ABLIM2: variants seen among roughly 807,000 people sequenced by gnomAD.
ABLIM2 encodes the protein actin-binding LIM protein 2.
In ABLIM2, 53 loss-of-function variants were observed where a neutral mutation model predicts 97.7. The ratio of observed to expected loss-of-function variants is 0.54; its 90% CI spans 0.44 to 0.68. ABLIM2 has a LOEUF of 0.68. Among genes scored for constraint, ABLIM2 ranks in the 30% least tolerant of loss-of-function variants. The probability of loss-of-function intolerance (pLI) is 0.00; values close to 1 mark genes in which losing one functional copy is unlikely to be tolerated. For missense variants in ABLIM2, 835 were observed against 867.2 expected, an observed-to-expected ratio of 0.96 and a Z score of 0.47; for synonymous variants, 361 against 345.8, an observed-to-expected ratio of 1.04 and a Z score of -0.49.
rs1429831028 is a variant in ABLIM2 at position 8,091,750 on chromosome 4, TTAA to T, written c.339-3469_339-3467del. ...ATATTATATTAATATGTATTATATA[TTAA>T]TATTATATATTTATTATGCATTTAT... On this transcript the variant is annotated intron_variant, in intron 3 of 20. Transcript: ENST00000447017. 8.2e-4 allele frequency among the ~76,000 whole-genome samples: 71 copies of T among 86,086 alleles called. 3 individuals are homozygous for T. The highest frequency in any genetic ancestry group is 3.3e-3 in the African/African-American group (69 of 21,078). The allele number at this position is 86,086 out of a possible 152,430, so 56.5% of individuals were successfully genotyped here. A position where few individuals can be genotyped will look rare whatever the true frequency, so the allele number is the denominator to read the frequency against.
chr4:8,109,724 G>A (rs997107705), intron 1 of ABLIM2, among the ~76,000 whole-genome samples: 1 of 152,232 alleles, frequency 6.6e-6, no homozygotes, highest in Non-Finnish European at 1.5e-5. Flanking sequence ...GGATGAGGGA[G>A]AGGGGTTGGC....
At chr4:8,134,023 C>A (rs1849821277) in intron 1 of ABLIM2, among the ~76,000 whole-genome samples, 1 of 152,210 alleles carries the variant, frequency 6.6e-6, no homozygotes, top group Admixed American at 6.5e-5. Flanking sequence ...GAGGTGAGTG[C>A]CCTCTGCAGC....
chr4:8,092,303 G>T (rs1829257173), intron 3 of ABLIM2, among the ~76,000 whole-genome samples: 1 of 151,936 alleles, frequency 6.6e-6, no homozygotes, highest in African/African-American at 2.4e-5. Context: ...TGGCCCATTT[G>T]TATATGTTCT....
At chr4:8,144,194 G>A (rs373744775) in intron 1 of ABLIM2, among the ~76,000 whole-genome samples, 34 of 152,306 alleles carry the variant, frequency 2.2e-4, no homozygotes, top group South Asian at 1.9e-3. Context: ...GAGCCTCAGC[G>A]GGGAAGCAGC....
chr4:8,041,973 A>G (rs11931521), intron 9 of ABLIM2, among the ~76,000 whole-genome samples: 95,560 of 151,646 alleles, frequency 0.63, 30,308 homozygotes, highest in Middle Eastern at 0.71. Flanking sequence ...TCCAACAACA[A>G]CAGCAGCAAC....
rs546711503 is a variant in ABLIM2, at chr4:8,119,754, C to A, written c.11-13117G>T. Among the ~76,000 whole-genome samples, 3 of 152,276 alleles carry A rather than the reference C, an allele frequency of 2.0e-5. No individual in the cohort carries two copies. In the East Asian group the frequency reaches 5.8e-4, roughly 29 times the overall value. On this transcript the variant is annotated intron_variant, in intron 1 of 20. Coordinates refer to ENST00000447017, the MANE Select transcript of ABLIM2 (RefSeq NM_001130083.2). ...AAAAACAAACAAACAATCAAACAAA[C>A]AATTTCCTCTTGGGCCCTGGCTCGA...
intron 20 of ABLIM2, among the ~76,000 whole-genome samples, chr4:7,973,575 G>C (rs911180689): frequency 2.0e-5 from 3 of 152,130 alleles, no homozygotes; most frequent in Admixed American, 1.3e-4. Flanking sequence ...GGACAGGATA[G>C]GCCCTGCAGG....
At chr4:8,097,739 G>A (rs1023427297) in intron 2 of ABLIM2, among the ~76,000 whole-genome samples, 5 of 152,114 alleles carry the variant, frequency 3.3e-5, no homozygotes, top group South Asian at 2.1e-4. Flanking sequence ...AGGTTCCCAG[G>A]AGGACAGACC....
rs774623520 is a variant in ABLIM2 at position 8,122,764 on chromosome 4, C to T, written c.11-16127G>A. Among the ~76,000 whole-genome samples the T allele has an allele frequency of 1.3e-5, 2 of 152,164 alleles. No individual in the cohort carries two copies. The highest frequency in any genetic ancestry group is 4.8e-5 in the African/African-American group (2 of 41,418). On this transcript the variant is annotated intron_variant, in intron 1 of 20. Coordinates refer to ENST00000447017, the MANE Select transcript of ABLIM2 (RefSeq NM_001130083.2). This position sits in a 1 kb window ranked among gnomAD's most constrained non-coding sequence, Gnocchi z 4.1. The stretch of plus-strand genomic sequence containing the variant: ...TTCTTTTCATCCTGCACAGCTGGGA[C>T]CTGTCCTCTCTTCACCATTTACGGA...
chr4:8,024,683 G>A (rs914154135), intron 12 of ABLIM2, among the ~76,000 whole-genome samples: 7 of 152,246 alleles, frequency 4.6e-5, no homozygotes, highest in Admixed American at 2.6e-4. Flanking sequence ...ACCTGAGGGT[G>A]AACACAATTT....
At chr4:8,117,156 C>T (rs1843125503) in intron 1 of ABLIM2, among the ~76,000 whole-genome samples, 1 of 152,230 alleles carries the variant, frequency 6.6e-6, no homozygotes, top group African/African-American at 2.4e-5. Context: ...TGCCTGGAAT[C>T]TTCACAGCCA....
In ABLIM2 at chr4:8,080,750, C is replaced by T. The variant is rs745761105; in HGVS notation, c.507G>A (p.Leu169=). 6.8e-6 allele frequency: 11 copies of T among 1,612,580 alleles called. 1 individual carries two copies. The South Asian group carries it at 1.2e-4, about 18-fold the overall frequency. Residue 169 remains leucine (L), a synonymous_variant, in exon 5 of 21, where the codon TTG becomes TTA. Coordinates refer to ENST00000447017, the MANE Select transcript of ABLIM2 (RefSeq NM_001130083.2). ...AACAGCCCAAGTGCCAGTGCTTGTC[C>T]AAGGCTACCAGGGCCTGGCCATTCT... The part of the protein sequence containing the change: ...EIKNGQALVA[L]DKHWHLGCFK...
At position 8,032,608 on chromosome 4, in the gene ABLIM2, C is replaced by A. The variant is rs538480624; in HGVS notation, c.1048-2832G>T. 2.5e-6 allele frequency: 4 copies of A among 1,611,590 alleles called. No homozygotes were observed. The highest frequency in any genetic ancestry group is 1.7e-5 in the Admixed American group (1 of 59,984). Reference sequence around the variant, plus strand: ...GTTATGTTTATAACCCAGGCAGCAGCGCCACGGCAAGCGGGGACAGGCGAG... The same window carrying A: ...GTTATGTTTATAACCCAGGCAGCAGAGCCACGGCAAGCGGGGACAGGCGAG... On this transcript the variant is annotated intron_variant, in intron 10 of 20. Transcript: ENST00000447017. The surrounding 1 kb of genome is among the most constrained non-coding windows in gnomAD (Gnocchi z 4.3).
In ABLIM2 at chr4:8,004,023, GAGA is replaced by G. The variant is rs1236191604; in HGVS notation, c.1618+4033_1618+4035del. Among the ~76,000 whole-genome samples the G allele has an allele frequency of 6.6e-6, 1 of 152,084 alleles. No homozygotes were observed. Among genetic ancestry groups the G allele is most frequent in the African/African-American group, 2.4e-5 (1 of 41,410 alleles). Reference sequence around the variant, plus strand: ...CCTTCGACCACGGACTAAGGAACGCGAGAAGAACTCTTCTGCCCCATCTTGCAG... The same window carrying G: ...CCTTCGACCACGGACTAAGGAACGCGAGAACTCTTCTGCCCCATCTTGCAG... On this transcript the variant is annotated intron_variant, in intron 16 of 20. Transcript: ENST00000447017. This position sits in a 1 kb window ranked among gnomAD's most constrained non-coding sequence, Gnocchi z 5.9.
Position 7,965,706 on chromosome 4 carries a change from C to T in ABLIM2, c.*1284G>A, listed in dbSNP as rs778589233. The stretch of plus-strand genomic sequence containing the variant: ...ACACACACCTAATGACAGACACCAA[C>T]GCCTTCGCTTGGGGAGCCCGGCCAG... On this transcript the variant is annotated 3_prime_UTR_variant, in exon 21 of 21. Coordinates refer to ENST00000447017, the MANE Select transcript of ABLIM2 (RefSeq NM_001130083.2). 7.2e-5 allele frequency: 11 copies of T among 152,358 alleles called. No homozygotes were observed. In the East Asian group the frequency reaches 1.4e-3, roughly 19 times the overall value. The allele number at this position is 152,358 out of a possible 1,614,324, so 9.4% of individuals were successfully genotyped here. A position where few individuals can be genotyped will look rare whatever the true frequency, so the allele number is the denominator to read the frequency against.
chr4:8,108,598 GC>G (rs1343050716), intron 1 of ABLIM2, among the ~76,000 whole-genome samples: 2 of 152,216 alleles, frequency 1.3e-5, no homozygotes, highest in African/African-American at 4.8e-5. Context: ...CCTAATTCGT[GC>G]CCCCGCTTTC....
At chr4:8,094,969 T>C (rs1830681582) in intron 3 of ABLIM2, among the ~76,000 whole-genome samples, 1 of 121,686 alleles carries the variant, frequency 8.2e-6, no homozygotes, top group Non-Finnish European at 1.8e-5. Context: ...CCTCCCTCCT[T>C]CCCTCCCTTT....
chr4:8,109,313 G>A (rs992488016), intron 1 of ABLIM2, among the ~76,000 whole-genome samples: 1 of 152,242 alleles, frequency 6.6e-6, no homozygotes, highest in African/African-American at 2.4e-5. Flanking sequence ...CGAGGGATGT[G>A]GCACAGGCCC....
intron 9 of ABLIM2, among the ~76,000 whole-genome samples, chr4:8,040,932 C>T (rs548953454): frequency 2.6e-5 from 4 of 152,318 alleles, no homozygotes; most frequent in Admixed American, 6.5e-5. Flanking sequence ...GTGGCATCAG[C>T]GACGTGGGCA....
Sources: allele counts gnomAD v4.1 joint callset (sites outside exome capture counted in the v4.1 genomes callset), GRCh38; gene constraint gnomAD v4.1.1; non-coding constraint Gnocchi (gnomAD v3.1); transcripts MANE v1.5; gene names NCBI Gene and HGNC (gene_info 2026-07-23, HGNC 2026-07-21).